The following PKN3 variants were observed in gnomAD, a reference collection of about 807,000 sequenced individuals.
PKN3 encodes serine/threonine-protein kinase N3.
In PKN3, 91 loss-of-function variants were observed where a neutral mutation model predicts 113.1. The ratio of observed to expected loss-of-function variants is 0.80; its 90% CI spans 0.68 to 0.96. PKN3 has a LOEUF of 0.96. PKN3 is among the 40% of genes least tolerant of loss of function. The probability of loss-of-function intolerance (pLI) is 0.00; values close to 1 mark genes in which losing one functional copy is unlikely to be tolerated. For missense variants in PKN3, 1,052 were observed against 1,202.2 expected (o/e 0.88, Z 1.85); for synonymous variants, 467 against 499.0 (o/e 0.94, Z 0.85).
intron 6 of PKN3, among the ~76,000 whole-genome samples, chr9:128,708,197 A>G (rs954346282): frequency 6.6e-6 from 1 of 151,958 alleles, no homozygotes; most frequent in African/African-American, 2.4e-5. Context: ...CCTGGCCAAC[A>G]TGGTGAAATC....
chr9:128,710,062 AC>A (rs1267377177), intron 6 of PKN3: 1 of 147,924 alleles, frequency 6.8e-6, no homozygotes, highest in East Asian at 2.2e-4. Context: ...AGTAGCTGGG[AC>A]TACAGGTGCC....
intron 18 of PKN3, 82 bp downstream of exon 18, chr9:128,718,707 C>A: frequency 7.7e-7 from 1 of 1,301,048 alleles, no homozygotes; most frequent in Non-Finnish European, 1.1e-6. Context: ...ATGGCATGTC[C>A]CAGGAAATCT....
At chr9:128,704,995 G>A (rs960436465) in intron 1 of PKN3, among the ~76,000 whole-genome samples, 3 of 152,034 alleles carry the variant, frequency 2.0e-5, no homozygotes, top group Admixed American at 6.5e-5. Context: ...GTGGCTGGGA[G>A]GAGTGATGTG....
intron 1 of PKN3, chr9:128,704,168 A>G: frequency 1.0e-6 from 1 of 984,768 alleles, no homozygotes; most frequent in Non-Finnish European, 1.2e-6. Flanking sequence ...GTTGCGGGGC[A>G]TCATGGGTTA....
At position 128,718,600 on chromosome 9, in the gene PKN3, C is replaced by G. The variant is rs760793169; in HGVS notation, c.2100C>G (p.Ile700Met). ...LLLDAQGFLK[I>M]ADFGLCKEGI... ...TGGATGCCCAGGGATTCCTGAAGAT[C>G]GCAGACTTTGGACTCTGCAAGGAAG... The change falls in exon 18 of 22, where the codon ATC becomes ATG. Residue 700 changes from isoleucine (I) to methionine (M), a missense_variant. Physicochemically the swap from Ile to Met is conservative, Grantham distance 10 (BLOSUM62 1). Around this residue, in one of 2 missense-constraint regions of PKN3, gnomAD observed 333 missense variants for 442.8 expected, o/e 0.75. Transcript: ENST00000291906. 5 of 1,614,070 alleles carry G rather than the reference C, an allele frequency of 3.1e-6. No homozygotes were observed. Among genetic ancestry groups the G allele is most frequent in the Admixed American group, 1.7e-5 (1 of 60,006 alleles).
Position 128,706,968 on chromosome 9 carries a change from A to C in PKN3, c.596A>C (p.Asn199Thr). ...GCAGCTGTGGCTGAGGGCGCCAAGA[A>C]CGTGGTGAAACTGCTTAGTAGCCGG... ...VEAAVAEGAK[N>T]VVKLLSSRRT... Residue 199 changes from asparagine to threonine, a missense_variant, in exon 5 of 22, where the codon AAC becomes ACC. This residue lies in a region of PKN3 where 719 missense variants were observed against 759.4 expected (regional missense o/e 0.95). Coordinates refer to ENST00000291906, the MANE Select transcript of PKN3 (RefSeq NM_013355.5). The C allele has an allele frequency of 1.2e-6, 2 of 1,614,168 alleles. No individual in the cohort carries two copies. The highest frequency in any genetic ancestry group is 1.1e-5 in the South Asian group (1 of 91,084).
Position 128,707,324 on chromosome 9 carries a change from A to G in PKN3, c.754A>G (p.Arg252Gly). 6.2e-7 allele frequency: 1 copy of G among 1,613,998 alleles called. No homozygotes were observed. Among genetic ancestry groups the G allele is most frequent in the African/African-American group, 1.3e-5 (1 of 75,078 alleles). ...QLPPAHPLRS[R>G]VTRELRAAVP... is the part of the protein sequence containing the mutation. ...GCCTCCTGCCCACCCTTTGCGCAGC[A>G]GAGTGACCCGAGAGTTGCGGGCTGC... The change falls in exon 6 of 22, where the codon AGA (arginine) becomes GGA (glycine). Residue 252 changes from arginine (R) to glycine (G), a missense_variant. This residue lies in a region of PKN3 where 719 missense variants were observed against 759.4 expected (regional missense o/e 0.95). Coordinates refer to ENST00000291906, the MANE Select transcript of PKN3 (RefSeq NM_013355.5).
rs1260163894 is a variant in PKN3 at position 128,706,928 on chromosome 9, C to T, written c.556C>T (p.Arg186Ter). 3.1e-6 allele frequency: 5 copies of T among 1,614,192 alleles called. No homozygotes were observed. Among genetic ancestry groups the T allele is most frequent in the South Asian group, 1.1e-5 (1 of 91,084 alleles). ...GCTGCTGGCGGAGGAGCTACAGCAT[C>T]GACTGCACGTTGAGGCAGCTGTGGC... ...PELLAEELQH[R>*]LHVEAAVAEG... Residue 186 changes from arginine to a stop codon, truncating the protein, a stop_gained, in exon 5 of 22, where the codon CGA (arginine) becomes TGA (stop). Transcript: ENST00000291906. LOFTEE classifies it high-confidence loss of function.
chr9:128,704,636 T>TA (rs1224697001), intron 1 of PKN3, among the ~76,000 whole-genome samples: 3 of 151,986 alleles, frequency 2.0e-5, no homozygotes, highest in Non-Finnish European at 2.9e-5. Flanking sequence ...ATAGGGGTAA[T>TA]AGTACAGGCG....
At position 128,715,094 on chromosome 9, in the gene PKN3, TG is replaced by T; in HGVS notation, c.1653-75del. 1 of 1,454,938 alleles carries T rather than the reference TG, an allele frequency of 6.9e-7. No homozygotes were observed. The highest frequency in any genetic ancestry group is 9.6e-7 in the Non-Finnish European group (1 of 1,037,732). The allele number at this position is 1,454,938 out of a possible 1,614,324, so 90.1% of individuals were successfully genotyped here. A position where few individuals can be genotyped will look rare whatever the true frequency, so the allele number is the denominator to read the frequency against. On this transcript the variant is annotated intron_variant, in intron 13 of 21. Transcript: ENST00000291906. The surrounding 1 kb of genome is among the most constrained non-coding windows in gnomAD (Gnocchi z 4.1). ...GGTCGGGACAGCCCAGGACTGGGCA[TG>T]GGAGGCTTGGAGTGGCTCTGGGTAG...
rs983054421 is a variant in PKN3 at position 128,702,875 on chromosome 9, G to C, written c.-41G>C. 7.0e-6 allele frequency: 10 copies of C among 1,437,108 alleles called. No individual in the cohort carries two copies. In the African/African-American group the frequency reaches 1.5e-4, roughly 21 times the overall value. The allele number at this position is 1,437,108 out of a possible 1,614,324, so 89.0% of individuals were successfully genotyped here. ...GGAGGGTCTGCGGCTTCCGGGACCG[G>C]AGTGGCTGAGAGAAGGGCCCCAAGC... On this transcript the variant is annotated 5_prime_UTR_variant, in exon 1 of 22. Transcript: ENST00000291906.
Position 128,714,363 on chromosome 9 carries a change from C to G in PKN3, c.1479C>G (p.Pro493=), listed in dbSNP as rs762694633. The stretch of plus-strand genomic sequence containing the variant: ...GAGAGGCCTCTGACCCTGCCACTCC[C>G]AGGTGAGGAGCTCCCTTGCCCTAGA... The part of the protein sequence containing the change: ...TLREASDPAT[P]SNFLPKKTPL... The change falls in exon 11 of 22, where the codon CCC becomes CCG. Residue 493 remains proline (P), a splice_region_variant and synonymous_variant. Coordinates refer to ENST00000291906, the MANE Select transcript of PKN3 (RefSeq NM_013355.5). The G allele has an allele frequency of 9.4e-6, 15 of 1,598,588 alleles. No homozygotes were observed. Among genetic ancestry groups the G allele is most frequent in the Non-Finnish European group, 1.3e-5 (15 of 1,171,244 alleles).
Position 128,714,553 on chromosome 9 carries a change from T to C in PKN3, c.1482-9T>C. On this transcript the variant is annotated splice_polypyrimidine_tract_variant and intron_variant, in intron 11 of 21. Coordinates refer to ENST00000291906, the MANE Select transcript of PKN3 (RefSeq NM_013355.5). ...TGTGCTGGGCACTGTGTCTACTTTC[T>C]CCCTACAGTAATTTCCTGCCCAAGA... 8.7e-7 allele frequency: 1 copy of C among 1,145,682 alleles called. No homozygotes were observed. Among genetic ancestry groups the C allele is most frequent in the Non-Finnish European group, 1.3e-6 (1 of 752,196 alleles). The allele number at this position is 1,145,682 out of a possible 1,614,324, so 71.0% of individuals were successfully genotyped here. A position where few individuals can be genotyped will look rare whatever the true frequency, so the allele number is the denominator to read the frequency against.
chr9:128,703,620 G>C, intron 1 of PKN3: 7 of 985,410 alleles, frequency 7.1e-6, no homozygotes, highest in Non-Finnish European at 8.4e-6. Context: ...GTTGGGAGGG[G>C]GGCATTTGCG....
chr9:128,716,188 C>T (rs1056178731), intron 15 of PKN3, among the ~76,000 whole-genome samples: 3 of 150,530 alleles, frequency 2.0e-5, no homozygotes, highest in African/African-American at 7.4e-5. Flanking sequence ...CACCCAGCTA[C>T]TCGTGAAGCT....
At position 128,714,778 on chromosome 9, in the gene PKN3, G is replaced by C; in HGVS notation, c.1585-20G>C. 6.2e-7 allele frequency: 1 copy of C among 1,612,196 alleles called. No individual in the cohort carries two copies. Among genetic ancestry groups the C allele is most frequent in the Non-Finnish European group, 8.5e-7 (1 of 1,178,362 alleles). On this transcript the variant is annotated intron_variant, in intron 12 of 21. Coordinates refer to ENST00000291906, the MANE Select transcript of PKN3 (RefSeq NM_013355.5). Reference sequence around the variant, plus strand: ...AGAGAAGGAAGCCCAGCCCTGCCCTGAGCTCCTCTATACTCACAGCGCACC... The same window carrying C: ...AGAGAAGGAAGCCCAGCCCTGCCCTCAGCTCCTCTATACTCACAGCGCACC...
chr9:128,712,091 G>T (rs924939830), intron 6 of PKN3, among the ~76,000 whole-genome samples: 1 of 152,138 alleles, frequency 6.6e-6, no homozygotes, highest in Non-Finnish European at 1.5e-5. Flanking sequence ...TGTATTTTTA[G>T]TTGGGATGGG....
At position 128,720,639 on chromosome 9, in the gene PKN3, C is replaced by A. The variant is rs373307437; in HGVS notation, c.*33C>A. ...TCCTGGCACCTCTGTCCCCTTCCCCCACAGACTGTTAGAGCCTCTGCTCGT... is the reference window on the plus strand; with the variant it reads ...TCCTGGCACCTCTGTCCCCTTCCCCAACAGACTGTTAGAGCCTCTGCTCGT... On this transcript the variant is annotated 3_prime_UTR_variant, in exon 22 of 22. Transcript: ENST00000291906. The surrounding 1 kb of genome is among the most constrained non-coding windows in gnomAD (Gnocchi z 5.5). The A allele has an allele frequency of 4.4e-6, 7 of 1,576,276 alleles. No homozygotes were observed. Among genetic ancestry groups the A allele is most frequent in the African/African-American group, 1.3e-5 (1 of 74,082 alleles).
intron 16 of PKN3, among the ~76,000 whole-genome samples, chr9:128,717,720 T>TAAAA (rs568178531): frequency 1.0e-5 from 1 of 99,282 alleles, no homozygotes; most frequent in Non-Finnish European, 2.0e-5. Context: ...AGACTCCATC[T>TAAAA]AAAAAAAAAA....
Sources: gnomAD v4.1 joint callset for allele counts (sites outside exome capture counted in the v4.1 genomes callset) on GRCh38, gnomAD v4.1.1 for gene constraint, gnomAD v4.1.1 regional missense constraint, Gnocchi (gnomAD v3.1) non-coding constraint, MANE v1.5 for transcripts, NCBI Gene and HGNC (gene_info 2026-07-23, HGNC 2026-07-21) for gene names.